Variants in NBEAL1 observed in about 807,000 individuals in gnomAD.
NBEAL1 encodes neurobeachin like 1, also known as neurobeachin-like protein 1.
NBEAL1 carries 273 observed loss-of-function variants against 351.3 expected under a neutral mutation model. That is an observed-to-expected ratio of 0.78 (90% confidence interval 0.70 to 0.86). NBEAL1 has a LOEUF of 0.86. Among genes scored for constraint, NBEAL1 ranks in the 40% least tolerant of loss-of-function variants. The pLI is 0.00. For synonymous variants in NBEAL1, 1,050 were observed against 1,086.4 expected (o/e 0.97, Z 0.66); for missense variants, 2,961 against 3,201.3 (o/e 0.92, Z 1.81).
chr2:203,219,773 A>T lies in NBEAL1; in HGVS notation c.*2419A>T, dbSNP rs1394943521. The T allele has an allele frequency of 6.6e-6, 1 of 152,102 alleles. No homozygotes were observed. Among genetic ancestry groups the T allele is most frequent in the East Asian group, 1.9e-4 (1 of 5,190 alleles). 9.4% of individuals were successfully genotyped at this position (152,102 alleles called of 1,614,324 possible). A position where few individuals can be genotyped will look rare whatever the true frequency, so the allele number is the denominator to read the frequency against. On this transcript the variant is annotated 3_prime_UTR_variant, in exon 56 of 56. Transcript: ENST00000683969. ...AGAGGCTGAGCAGCGCAGGAGAATC[A>T]CTTAAACCCGGGAGGTGGAGGTTGC... is the stretch of plus-strand genomic sequence containing the variant.
At chr2:203,197,151 C>T in intron 47 of NBEAL1, 151 bp from the exon 48 acceptor site, 11 of 482,780 alleles carry the variant, frequency 2.3e-5, no homozygotes, top group East Asian at 9.9e-5. Context: ...TATATAATTC[C>T]TTTCCTTCAT....
At chr2:203,094,953 C>T (rs759447250) in intron 10 of NBEAL1, among the ~76,000 whole-genome samples, 3 of 152,022 alleles carry the variant, frequency 2.0e-5, no homozygotes, top group Non-Finnish European at 4.4e-5. Flanking sequence ...GAAACCCCAT[C>T]TCTACTAAAA....
At chr2:203,160,081 T>C (rs2063906171) in intron 36 of NBEAL1, among the ~76,000 whole-genome samples, 2 of 150,456 alleles carry the variant, frequency 1.3e-5, no homozygotes, top group African/African-American at 2.4e-5. Flanking sequence ...CCCGCTATTT[T>C]TTTTTTTTTT....
intron 41 of NBEAL1, among the ~76,000 whole-genome samples, chr2:203,174,486 T>A (rs2064431340): frequency 6.6e-6 from 1 of 152,094 alleles, no homozygotes; most frequent in African/African-American, 2.4e-5. Flanking sequence ...CACCAAAAAA[T>A]TTGTGTTAAT....
intron 17 of NBEAL1, 48 bp from the exon 18 acceptor site, chr2:203,115,937 A>T (rs1334756891): frequency 8.1e-7 from 1 of 1,227,608 alleles, no homozygotes; most frequent in Non-Finnish European, 1.2e-6. Flanking sequence ...AGAACCAAGG[A>T]GACCATATAT....
intron 4 of NBEAL1, among the ~76,000 whole-genome samples, chr2:203,051,129 A>G (rs2061317095): frequency 6.6e-6 from 1 of 152,190 alleles, no homozygotes; most frequent in African/African-American, 2.4e-5. Flanking sequence ...GGAATGATTG[A>G]TCAATAATTG....
intron 46 of NBEAL1, 143 bp from the exon 47 acceptor site, chr2:203,193,652 G>C (rs1006315969): frequency 2.1e-6 from 1 of 473,444 alleles, no homozygotes; most frequent in African/African-American, 2.0e-5. Context: ...TCTGCTAAGA[G>C]AATAGTCTGA....
intron 25 of NBEAL1, among the ~76,000 whole-genome samples, chr2:203,131,598 C>T (rs2106299092): frequency 6.6e-6 from 1 of 152,246 alleles, no homozygotes; most frequent in Non-Finnish European, 1.5e-5. Flanking sequence ...ATTATTGGAA[C>T]ACTAAGCATT....
At chr2:203,188,405 A>G in intron 44 of NBEAL1, 67 bp from the exon 45 acceptor site, 1 of 837,504 alleles carries the variant, frequency 1.2e-6, no homozygotes, top group Non-Finnish European at 1.7e-6. Context: ...ACTTTTTTAA[A>G]GAACTGAATT....
At chr2:203,044,158 G>T (rs2061189807) in intron 3 of NBEAL1, among the ~76,000 whole-genome samples, 1 of 152,176 alleles carries the variant, frequency 6.6e-6, no homozygotes, top group African/African-American at 2.4e-5. Flanking sequence ...AAGTAAGGAT[G>T]TGAGTGTACT....
rs1357725638 is a variant in NBEAL1, at chr2:203,221,190, G to A, written c.*3836G>A. 1.3e-5 allele frequency among the ~76,000 whole-genome samples: 2 copies of A among 151,860 alleles called. No individual in the cohort carries two copies. The highest frequency in any genetic ancestry group is 2.9e-5 in the Non-Finnish European group (2 of 67,956). ...CAGATTTTTATTTAATGATGATAGA[G>A]ATATGACCTTTGCCTTTATGTATAT... On this transcript the variant is annotated 3_prime_UTR_variant, in exon 56 of 56. Coordinates refer to ENST00000683969, the MANE Select transcript of NBEAL1 (RefSeq NM_001378026.1).
Position 203,112,118 on chromosome 2 carries a change from T to A in NBEAL1, c.2202+20T>A, listed in dbSNP as rs1418255457. 6.5e-7 allele frequency: 1 copy of A among 1,545,756 alleles called. No individual in the cohort carries two copies. Among genetic ancestry groups the A allele is most frequent in the East Asian group, 2.4e-5 (1 of 40,876 alleles). ...AATGAAGTAAGTATATCCAACCTAC[T>A]CTTTACGGGCCCTATTGGTTGAGAA... On this transcript the variant is annotated intron_variant, in intron 16 of 55. Transcript: ENST00000683969.
Position 203,130,493 on chromosome 2 carries a change from A to C in NBEAL1, c.3564+17A>C. 7.2e-7 allele frequency: 1 copy of C among 1,389,030 alleles called. No individual in the cohort carries two copies. The highest frequency in any genetic ancestry group is 9.3e-7 in the Non-Finnish European group (1 of 1,071,396). The allele number at this position is 1,389,030 out of a possible 1,614,324, so 86.0% of individuals were successfully genotyped here. ...ATTTTTAAGGTACAAACATTTCTTA[A>C]ACATCTTTGTATTTTGAGGCGTTTG... On this transcript the variant is annotated intron_variant, in intron 25 of 55. Transcript: ENST00000683969.
chr2:203,151,539 A>G lies in NBEAL1; in HGVS notation c.5537A>G (p.Asn1846Ser). The change falls in exon 35 of 56, where the codon AAT becomes AGT. Residue 1846 changes from asparagine (N) to serine (S), a missense_variant. Physicochemically the swap from Asn to Ser is conservative, Grantham distance 46 (BLOSUM62 1). Coordinates refer to ENST00000683969, the MANE Select transcript of NBEAL1 (RefSeq NM_001378026.1). The part of the protein sequence containing the change: ...YSRMRLKLVP[N>S]YNFKTHEEAS... ...CGCATGAGACTTAAGCTGGTACCGA[A>G]TTATAATTTCAAAACCCATGAGGAA... is the stretch of plus-strand genomic sequence containing the variant. The G allele has an allele frequency of 6.2e-7, 1 of 1,611,048 alleles. No homozygotes were observed. Among genetic ancestry groups the G allele is most frequent in the Non-Finnish European group, 8.5e-7 (1 of 1,178,746 alleles).
chr2:203,016,252 C>A lies in NBEAL1; in HGVS notation c.-133C>A, dbSNP rs1408125137. The A allele has an allele frequency of 4.0e-6, 2 of 499,664 alleles. No homozygotes were observed. Among genetic ancestry groups the A allele is most frequent in the Non-Finnish European group, 6.8e-6 (2 of 295,332 alleles). The allele number at this position is 499,664 out of a possible 1,614,324, so 31.0% of individuals were successfully genotyped here. ...TAACCAGAGGACAGTCCATTTGTTT[C>A]ACTTCTTTTTGCTTTCTTTACTGCT... is the stretch of plus-strand genomic sequence containing the variant. On this transcript the variant is annotated 5_prime_UTR_variant, in exon 2 of 56. Coordinates refer to ENST00000683969, the MANE Select transcript of NBEAL1 (RefSeq NM_001378026.1).
At chr2:203,076,484 A>G (rs1559349018) in intron 7 of NBEAL1, among the ~76,000 whole-genome samples, 1 of 120,168 alleles carries the variant, frequency 8.3e-6, no homozygotes, top group Non-Finnish European at 1.8e-5. Context: ...CTCAAAAACA[A>G]ACAAACAAAC....
chr2:203,218,986 G>A lies in NBEAL1; in HGVS notation c.*1632G>A, dbSNP rs2065925154. 1.3e-5 allele frequency: 2 copies of A among 152,116 alleles called. No homozygotes were observed. Among genetic ancestry groups the A allele is most frequent in the Non-Finnish European group, 2.9e-5 (2 of 68,028 alleles). 9.4% of individuals were successfully genotyped at this position (152,116 alleles called of 1,614,324 possible). A position where few individuals can be genotyped will look rare whatever the true frequency, so the allele number is the denominator to read the frequency against. The stretch of plus-strand genomic sequence containing the variant: ...TAAATGTCAAGGTGTCTTTTCTTAA[G>A]ACTTCAGGAATTTGTATTGAACAAA... On this transcript the variant is annotated 3_prime_UTR_variant, in exon 56 of 56. Coordinates refer to ENST00000683969, the MANE Select transcript of NBEAL1 (RefSeq NM_001378026.1).
intron 38 of NBEAL1, among the ~76,000 whole-genome samples, chr2:203,168,118 T>C (rs964811245): frequency 1.3e-5 from 2 of 152,242 alleles, no homozygotes; most frequent in Non-Finnish European, 2.9e-5. Flanking sequence ...CTTTTTACTG[T>C]TACAAGAAAG....
intron 38 of NBEAL1, 30 bp from the exon 39 acceptor site, chr2:203,169,717 T>C (rs752699673): frequency 4.7e-6 from 6 of 1,274,556 alleles, no homozygotes; most frequent in Non-Finnish European, 6.7e-6. Context: ...CTTGATTCAT[T>C]TTTAAAGTAT....
Sources: gnomAD v4.1 joint callset for allele counts (sites outside exome capture counted in the v4.1 genomes callset) on GRCh38, gnomAD v4.1.1 for gene constraint, MANE v1.5 for transcripts, NCBI Gene and HGNC (gene_info 2026-07-23, HGNC 2026-07-21) for gene names.